The following SLIT2 variants were observed in gnomAD, a reference collection of about 807,000 sequenced individuals.
SLIT2 encodes the protein slit guidance ligand 2.
SLIT2 carries 41 observed loss-of-function variants against 185.7 expected under a neutral mutation model. The observed-to-expected ratio is 0.22, with a 90% confidence interval of 0.17 to 0.29. The LOEUF (loss-of-function observed/expected upper bound fraction) is 0.29, where lower values mean the gene tolerates loss of function less well. SLIT2 is among the 10% of genes least tolerant of loss of function. SLIT2 has a pLI of 1.00. For missense variants in SLIT2, 1,571 were observed against 1,909.0 expected (o/e 0.82, Z 3.30); for synonymous variants, 693 against 680.2 (o/e 1.02, Z -0.29).
At chr4:20,607,300 G>A (rs1250419238) in intron 33 of SLIT2, among the ~76,000 whole-genome samples, 1 of 152,128 alleles carries the variant, frequency 6.6e-6, no homozygotes, top group African/African-American at 2.4e-5. Flanking sequence ...TTCCAACTAT[G>A]TTTTATGAAA....
chr4:20,510,271 A>C (rs906594613), intron 9 of SLIT2, among the ~76,000 whole-genome samples: 1 of 152,170 alleles, frequency 6.6e-6, no homozygotes. Context: ...GTAGTACTTA[A>C]AAATCTGAAT....
At chr4:20,515,329 C>A (rs1720103052) in intron 11 of SLIT2, among the ~76,000 whole-genome samples, 1 of 152,160 alleles carries the variant, frequency 6.6e-6, no homozygotes, top group African/African-American at 2.4e-5. Flanking sequence ...TCTCAATTAT[C>A]CCAGAGAATC....
At chr4:20,525,859 G>A (rs1278068206) in intron 15 of SLIT2, among the ~76,000 whole-genome samples, 1 of 152,066 alleles carries the variant, frequency 6.6e-6, no homozygotes, top group Admixed American at 6.5e-5. Context: ...GAATAATTTA[G>A]GCAGATGGAT....
At chr4:20,443,336 C>T (rs1420306053) in intron 4 of SLIT2, among the ~76,000 whole-genome samples, 1 of 152,086 alleles carries the variant, frequency 6.6e-6, no homozygotes, top group Non-Finnish European at 1.5e-5. Flanking sequence ...CTTCTTGGAA[C>T]AGGCACAGGC....
intron 4 of SLIT2, among the ~76,000 whole-genome samples, chr4:20,350,966 G>A (rs886185903): frequency 6.6e-6 from 1 of 151,904 alleles, no homozygotes; most frequent in Non-Finnish European, 1.5e-5. Context: ...TATTAGTGCA[G>A]CATTGGCCAT....
chr4:20,270,343 T>C (rs559369235), intron 4 of SLIT2, among the ~76,000 whole-genome samples: 15 of 152,104 alleles, frequency 9.9e-5, no homozygotes, highest in African/African-American at 3.4e-4. Flanking sequence ...GTATAATCCA[T>C]TGCAGAATCC....
chr4:20,497,796 C>T (rs1718359934), intron 9 of SLIT2, among the ~76,000 whole-genome samples: 1 of 152,202 alleles, frequency 6.6e-6, no homozygotes, highest in African/African-American at 2.4e-5. Flanking sequence ...GTGGGGAAGA[C>T]AGTGTTGGGA....
At chr4:20,452,800 T>G (rs572187272) in intron 4 of SLIT2, among the ~76,000 whole-genome samples, 5 of 152,314 alleles carry the variant, frequency 3.3e-5, no homozygotes, top group Admixed American at 2.6e-4. Flanking sequence ...CAGCCTGCAT[T>G]GAGAAGCACT....
At chr4:20,406,967 A>G (rs184984370) in intron 4 of SLIT2, among the ~76,000 whole-genome samples, 1 of 152,274 alleles carries the variant, frequency 6.6e-6, no homozygotes, top group African/African-American at 2.4e-5. Context: ...ATGGATTATC[A>G]TATAACAATA....
At chr4:20,584,928 G>A (rs1176679702) in intron 29 of SLIT2, among the ~76,000 whole-genome samples, 1 of 152,032 alleles carries the variant, frequency 6.6e-6, no homozygotes. Flanking sequence ...GGTGGCATGT[G>A]CCTGTAATCC....
chr4:20,492,171 C>T (rs1046997829), intron 9 of SLIT2, among the ~76,000 whole-genome samples: 1 of 152,128 alleles, frequency 6.6e-6, no homozygotes, highest in African/African-American at 2.4e-5. Flanking sequence ...TGGTTCCACC[C>T]TTTGGGCCTG....
chr4:20,450,812 G>T (rs1360647441), intron 4 of SLIT2, among the ~76,000 whole-genome samples: 1 of 152,098 alleles, frequency 6.6e-6, no homozygotes, highest in Non-Finnish European at 1.5e-5. Context: ...ATATCCCTTC[G>T]TATGTAACAC....
intron 29 of SLIT2, among the ~76,000 whole-genome samples, chr4:20,582,460 G>A (rs1282854167): frequency 5.3e-5 from 8 of 152,162 alleles, no homozygotes; most frequent in Non-Finnish European, 2.9e-5. Context: ...GTAGATGCCT[G>A]AAACCACAAA....
At chr4:20,283,143 C>CACAA (rs1266559057) in intron 4 of SLIT2, among the ~76,000 whole-genome samples, 7 of 151,458 alleles carry the variant, frequency 4.6e-5, no homozygotes, top group South Asian at 4.2e-4. Context: ...CACACACACA[C>CACAA]AAAGTCATTC....
rs575624752 is a variant in SLIT2, at chr4:20,252,508, C to T, written c.-1308C>T. On this transcript the variant is annotated 5_prime_UTR_variant, in exon 1 of 37. Transcript: ENST00000504154. ...CCGGCAGGGGTACCGCCACTGTGGC[C>T]TTGGGGGACGGAATTCAAAGCCTGG... Among the ~76,000 whole-genome samples the T allele has an allele frequency of 2.6e-5, 4 of 152,200 alleles. No homozygotes were observed. The highest frequency in any genetic ancestry group is 7.2e-5 in the African/African-American group (3 of 41,556).
chr4:20,380,019 C>A (rs1724363234), intron 4 of SLIT2, among the ~76,000 whole-genome samples: 1 of 152,102 alleles, frequency 6.6e-6, no homozygotes, highest in African/African-American at 2.4e-5. Flanking sequence ...GATTACTGAT[C>A]TATGCTTGAC....
chr4:20,468,310 AG>A (rs1426105623), intron 5 of SLIT2, among the ~76,000 whole-genome samples: 1 of 152,126 alleles, frequency 6.6e-6, no homozygotes, highest in Non-Finnish European at 1.5e-5. Flanking sequence ...AGACACCTGT[AG>A]CCTAGAGCTA....
intron 9 of SLIT2, among the ~76,000 whole-genome samples, chr4:20,509,883 T>C (rs1719551482): frequency 6.6e-6 from 1 of 152,210 alleles, no homozygotes; most frequent in African/African-American, 2.4e-5. Context: ...GCTGCAGTGG[T>C]TTTTATGTGA....
In SLIT2 at chr4:20,541,663, G is replaced by A. The variant is rs112336897; in HGVS notation, c.2143+44G>A. On this transcript the variant is annotated intron_variant, in intron 20 of 36. Transcript: ENST00000504154. ...CTCTTTGATTGTCAGGCATTCACAT[G>A]CCTGTTCTGATGCAGCTTTGCACAA... The A allele has an allele frequency of 4.5e-5, 68 of 1,522,758 alleles. No individual in the cohort carries two copies. The African/African-American group carries it at 6.7e-4, about 15-fold the overall frequency. The allele number at this position is 1,522,758 out of a possible 1,614,324, so 94.3% of individuals were successfully genotyped here. A position where few individuals can be genotyped will look rare whatever the true frequency, so the allele number is the denominator to read the frequency against.
Sources: allele counts gnomAD v4.1 joint callset (sites outside exome capture counted in the v4.1 genomes callset), GRCh38; gene constraint gnomAD v4.1.1; transcripts MANE v1.5; gene names NCBI Gene and HGNC (gene_info 2026-07-23, HGNC 2026-07-21).